CABCOCO1: variants seen among roughly 807,000 people sequenced by gnomAD.
CABCOCO1 encodes the protein ciliary-associated calcium-binding coiled-coil protein 1.
Under a neutral mutation model 35.7 loss-of-function variants are expected in CABCOCO1, and 28 were observed. The observed-to-expected ratio is 0.78, with a 90% CI of 0.58 to 1.07. The LOEUF (loss-of-function observed/expected upper bound fraction) is 1.07. Ranked by LOEUF, CABCOCO1 falls within the 50% of genes least tolerant of loss-of-function variation. The pLI, the probability that CABCOCO1 is intolerant of heterozygous loss-of-function variation, is 0.00. For missense variants in CABCOCO1, 326 were observed against 309.2 expected (o/e 1.05, Z -0.41); for synonymous variants, 95 against 100.1 (o/e 0.95, Z 0.30).
intron 5 of CABCOCO1, among the ~76,000 whole-genome samples, chr10:61,716,738 T>C (rs533148713): frequency 8.5e-5 from 13 of 152,324 alleles, no homozygotes; most frequent in East Asian, 7.7e-4. Flanking sequence ...ATTCATATTA[T>C]AGAAAATTGT....
chr10:61,692,609 G>T (rs990112828), intron 5 of CABCOCO1, among the ~76,000 whole-genome samples: 2 of 152,088 alleles, frequency 1.3e-5, no homozygotes, highest in Admixed American at 6.6e-5. Context: ...CCTGGGTATT[G>T]TTATTCTGGG....
chr10:61,696,686 G>A (rs1840305427), intron 5 of CABCOCO1, among the ~76,000 whole-genome samples: 1 of 151,662 alleles, frequency 6.6e-6, no homozygotes, highest in African/African-American at 2.4e-5. Flanking sequence ...TATTTTTTTG[G>A]TTGAGATGGG....
chr10:61,735,368 T>G (rs1291543788), intron 5 of CABCOCO1, among the ~76,000 whole-genome samples: 1 of 152,208 alleles, frequency 6.6e-6, no homozygotes, highest in Non-Finnish European at 1.5e-5. Context: ...GTCATTGAGG[T>G]GAAATCAACT....
At chr10:61,755,211 C>A (rs1413354161) in intron 5 of CABCOCO1, among the ~76,000 whole-genome samples, 2 of 152,036 alleles carry the variant, frequency 1.3e-5, no homozygotes, top group Non-Finnish European at 2.9e-5. Flanking sequence ...TATGACATTA[C>A]TAGAGTTTAT....
intron 7 of CABCOCO1, among the ~76,000 whole-genome samples, chr10:61,764,089 A>G (rs1842061390): frequency 6.6e-6 from 1 of 152,122 alleles, no homozygotes; most frequent in South Asian, 2.1e-4. Flanking sequence ...AAAATACCAG[A>G]AAGGCCTCCA....
intron 5 of CABCOCO1, among the ~76,000 whole-genome samples, chr10:61,697,942 A>T (rs1009747350): frequency 3.3e-5 from 5 of 152,142 alleles, no homozygotes; most frequent in African/African-American, 1.2e-4. Flanking sequence ...AAAGTCATTT[A>T]TAGAGTAAAA....
chr10:61,741,581 A>C (rs184170326), intron 5 of CABCOCO1, among the ~76,000 whole-genome samples: 2,097 of 148,102 alleles, frequency 0.014, 39 homozygotes, highest in African/African-American at 0.048. Context: ...TACCAATAAT[A>C]AGTTGTGAGG....
chr10:61,731,166 T>C (rs562563281), intron 5 of CABCOCO1, among the ~76,000 whole-genome samples: 2 of 151,506 alleles, frequency 1.3e-5, no homozygotes, highest in South Asian at 4.2e-4. Flanking sequence ...CACATTGAAG[T>C]ATGACAAGGG....
Position 61,701,395 on chromosome 10 carries a change from C to G in CABCOCO1, c.552+10774C>G, listed in dbSNP as rs535833670. ...TTCTTTTTCCCTAAAGCAAAAGGTT[C>G]TATTGCAAATGAAGATTTAATTATT... is the stretch of plus-strand genomic sequence containing the variant. On this transcript the variant is annotated intron_variant, in intron 5 of 7. Transcript: ENST00000648843. 6.9e-4 allele frequency among the ~76,000 whole-genome samples: 105 copies of G among 152,122 alleles called. 1 individual carries two copies. The highest frequency in any genetic ancestry group is 2.4e-3 in the African/African-American group (99 of 41,512).
In CABCOCO1 at chr10:61,690,754, T is replaced by C. The variant is rs878992322; in HGVS notation, c.552+133T>C. On this transcript the variant is annotated intron_variant, in intron 5 of 7. Transcript: ENST00000648843. ...AGTGTTAATATAATCAACTCGTAGT[T>C]TGCAAAAAGAATAATTATATAAAGT... 1.4e-5 allele frequency: 8 copies of C among 553,808 alleles called. No individual in the cohort carries two copies. The East Asian group carries it at 2.4e-4, about 17-fold the overall frequency. 34.3% of individuals were successfully genotyped at this position (553,808 alleles called of 1,614,324 possible). A position where few individuals can be genotyped will look rare whatever the true frequency, so the allele number is the denominator to read the frequency against.
At chr10:61,678,162 T>C (rs1839581648) in intron 2 of CABCOCO1, among the ~76,000 whole-genome samples, 1 of 152,138 alleles carries the variant, frequency 6.6e-6, no homozygotes, top group South Asian at 2.1e-4. Flanking sequence ...CTCTACTGAT[T>C]TGGAATAATA....
At chr10:61,755,324 CTTCT>C (rs1841875563) in intron 5 of CABCOCO1, among the ~76,000 whole-genome samples, 1 of 152,064 alleles carries the variant, frequency 6.6e-6, no homozygotes, top group African/African-American at 2.4e-5. Context: ...CACACAAGTA[CTTCT>C]TAATTAGACT....
chr10:61,719,699 C>T (rs547828746), intron 5 of CABCOCO1, among the ~76,000 whole-genome samples: 1 of 152,122 alleles, frequency 6.6e-6, no homozygotes, highest in South Asian at 2.1e-4. Context: ...AGAGGTGGAT[C>T]ACCCGAGGTC....
At chr10:61,701,912 A>G (rs1481734227) in intron 5 of CABCOCO1, 1 of 652,608 alleles carries the variant, frequency 1.5e-6, no homozygotes, top group Non-Finnish European at 1.9e-6. Flanking sequence ...TAACTCCCAG[A>G]TGGCAAACCA....
At chr10:61,677,144 T>A (rs1008726542) in intron 2 of CABCOCO1, among the ~76,000 whole-genome samples, 3 of 152,062 alleles carry the variant, frequency 2.0e-5, no homozygotes, top group Non-Finnish European at 4.4e-5. Context: ...AAATCCAACG[T>A]AGATTGGAGT....
intron 5 of CABCOCO1, among the ~76,000 whole-genome samples, chr10:61,741,113 C>T (rs538734526): frequency 2.0e-5 from 3 of 151,510 alleles, no homozygotes; most frequent in African/African-American, 7.3e-5. Flanking sequence ...CATTGCACTC[C>T]AGCCTGGATG....
intron 5 of CABCOCO1, among the ~76,000 whole-genome samples, chr10:61,757,404 C>A (rs546774180): frequency 6.6e-6 from 1 of 152,130 alleles, no homozygotes; most frequent in Middle Eastern, 3.4e-3. Flanking sequence ...CAGTATCTCA[C>A]TAACACAGCT....
At chr10:61,751,383 A>T (rs1041399389) in intron 5 of CABCOCO1, among the ~76,000 whole-genome samples, 2 of 152,100 alleles carry the variant, frequency 1.3e-5, no homozygotes, top group African/African-American at 4.8e-5. Context: ...CACAGGTGGG[A>T]CAGGCATCAG....
chr10:61,746,905 C>A (rs1408707307), intron 5 of CABCOCO1, among the ~76,000 whole-genome samples: 3 of 152,018 alleles, frequency 2.0e-5, no homozygotes, highest in Non-Finnish European at 2.9e-5. Flanking sequence ...GTTAGTGTAG[C>A]TCAGCTTTAT....
Sources: allele counts gnomAD v4.1 joint callset (sites outside exome capture counted in the v4.1 genomes callset), GRCh38; gene constraint gnomAD v4.1.1; transcripts MANE v1.5; gene names NCBI Gene and HGNC (gene_info 2026-07-23, HGNC 2026-07-21).